The following CALN1 variants were observed in gnomAD, a reference collection of about 807,000 sequenced individuals.
The protein encoded by CALN1 is calcium-binding protein 8.
Under a neutral mutation model 30.6 loss-of-function variants are expected in CALN1, and 17 were observed. The observed-to-expected ratio is 0.56, with a 90% CI of 0.38 to 0.83. The LOEUF (loss-of-function observed/expected upper bound fraction) is 0.83. Among genes scored for constraint, CALN1 ranks in the 40% least tolerant of loss-of-function variants. The pLI is 0.00. For synonymous variants in CALN1, 156 were observed against 131.4 expected (o/e 1.19, Z -1.28); for missense variants, 291 against 354.9 (o/e 0.82, Z 1.45).
intron 4 of CALN1, among the ~76,000 whole-genome samples, chr7:72,068,925 G>T (rs1034893560): frequency 6.6e-6 from 1 of 152,194 alleles, no homozygotes; most frequent in South Asian, 2.1e-4. Flanking sequence ...TTATTATTGT[G>T]ATTATCTTAT....
chr7:72,152,437 G>A (rs1387589902), intron 3 of CALN1, among the ~76,000 whole-genome samples: 1 of 152,114 alleles, frequency 6.6e-6, no homozygotes, highest in Non-Finnish European at 1.5e-5. Flanking sequence ...GAGTTTGCAT[G>A]GTGCGAGAGA....
intron 5 of CALN1, among the ~76,000 whole-genome samples, chr7:71,930,196 C>T (rs937297058): frequency 2.6e-5 from 4 of 152,200 alleles, no homozygotes; most frequent in Admixed American, 6.5e-5. Flanking sequence ...TTTGAATCCA[C>T]AGATGCAGAA....
chr7:72,081,508 C>G (rs13227792), intron 4 of CALN1, among the ~76,000 whole-genome samples: 1 of 150,928 alleles, frequency 6.6e-6, no homozygotes, highest in South Asian at 2.1e-4. Context: ...CTACAGCCTC[C>G]AACTCCTGGG....
intron 3 of CALN1, among the ~76,000 whole-genome samples, chr7:72,187,749 G>A (rs539983542): frequency 1.3e-5 from 2 of 152,240 alleles, no homozygotes; most frequent in East Asian, 3.9e-4. Flanking sequence ...TCGTGTATAC[G>A]TGTGATTCTT....
At chr7:71,803,760 CAGGCAGGAA>C in intron 6 of CALN1, among the ~76,000 whole-genome samples, 1 of 152,088 alleles carries the variant, frequency 6.6e-6, no homozygotes, top group Non-Finnish European at 1.5e-5. Context: ...TGCCTGGGTG[CAGGCAGGAA>C]CCACTGCACC....
intron 5 of CALN1, among the ~76,000 whole-genome samples, chr7:71,854,268 G>A (rs1584376850): frequency 6.6e-6 from 1 of 152,106 alleles, no homozygotes; most frequent in Non-Finnish European, 1.5e-5. Context: ...AACCTGGGAG[G>A]CAGAGGTTGC....
At chr7:71,913,368 C>A (rs192360877) in intron 5 of CALN1, among the ~76,000 whole-genome samples, 88 of 152,138 alleles carry the variant, frequency 5.8e-4, no homozygotes, top group African/African-American at 2.0e-3. Context: ...CCTTTAGTGG[C>A]AAATTCTTCA....
intron 2 of CALN1, among the ~76,000 whole-genome samples, chr7:72,357,351 C>T (rs1010296593): frequency 8.6e-5 from 13 of 151,944 alleles, no homozygotes; most frequent in Admixed American, 3.3e-4. Flanking sequence ...CAGATCAGCT[C>T]CAGCGGAGAG....
chr7:72,131,175 G>A lies in CALN1; in HGVS notation c.245-24881C>T, dbSNP rs570095410. Among the ~76,000 whole-genome samples the A allele has an allele frequency of 2.6e-5, 4 of 152,262 alleles. No homozygotes were observed. In the South Asian group the frequency reaches 8.3e-4, roughly 32 times the overall value. On this transcript the variant is annotated intron_variant, in intron 3 of 6. Transcript: ENST00000395275. Reference sequence around the variant, plus strand: ...CCAGCAGACCATTACAGCACGAGGAGATAAGTACTATAATATCCATAACTG... The same window carrying A: ...CCAGCAGACCATTACAGCACGAGGAAATAAGTACTATAATATCCATAACTG...
chr7:72,326,174 A>G (rs1387626217), intron 2 of CALN1, among the ~76,000 whole-genome samples: 1 of 152,174 alleles, frequency 6.6e-6, no homozygotes, highest in Non-Finnish European at 1.5e-5. Flanking sequence ...AAGTGCTGGG[A>G]TTACAGGCGT....
chr7:71,971,987 AAGAAAGAG>A (rs1248279392), intron 5 of CALN1, among the ~76,000 whole-genome samples: 149 of 139,674 alleles, frequency 1.1e-3, no homozygotes, highest in African/African-American at 3.8e-3. Context: ...GAAAGAAAGA[AAGAAAGAG>A]AAAGAAAGAA....
chr7:71,884,968 A>G lies in CALN1; in HGVS notation c.502-74476T>C, dbSNP rs113214082. Among the ~76,000 whole-genome samples, 1,329 of 152,236 alleles carry G rather than the reference A, an allele frequency of 8.7e-3. 13 individuals are homozygous for G. The highest frequency in any genetic ancestry group is 0.03 in the African/African-American group (1,240 of 41,558). The stretch of plus-strand genomic sequence containing the variant: ...CTAAGGGAAGCCACTGTAAGACTTC[A>G]AAAGAACTTTGGTCTCTGCAATCTT... On this transcript the variant is annotated intron_variant, in intron 5 of 6. Coordinates refer to ENST00000395275, the MANE Select transcript of CALN1 (RefSeq NM_031468.4).
chr7:72,177,380 T>C (rs1297923922), intron 3 of CALN1, among the ~76,000 whole-genome samples: 1 of 152,200 alleles, frequency 6.6e-6, no homozygotes, highest in African/African-American at 2.4e-5. Context: ...TATGTAAGAC[T>C]GATCAGCAGC....
chr7:72,479,552 A>ATTTTTTTTTTTTTTTTTT, the CALN1 span, among the ~76,000 whole-genome samples: 1 of 130,782 alleles, frequency 7.6e-6, no homozygotes, highest in Non-Finnish European at 1.6e-5. Flanking sequence ...TTATAGCACA[A>ATTTTTTTTTTTTTTTTTT]TTTTTTTTTT....
chr7:72,356,294 T>A (rs998267861), intron 2 of CALN1, among the ~76,000 whole-genome samples: 2 of 150,262 alleles, frequency 1.3e-5, no homozygotes, highest in African/African-American at 5.0e-5. Context: ...GAATAACTAT[T>A]GTATTTTAAT....
intron 4 of CALN1, among the ~76,000 whole-genome samples, chr7:72,044,790 T>G (rs190519345): frequency 2.6e-5 from 4 of 151,954 alleles, no homozygotes; most frequent in East Asian, 2.0e-4. Flanking sequence ...TTTTTATTTA[T>G]TTAGTTATTC....
At chr7:72,368,754 A>C (rs1317025722) in intron 2 of CALN1, among the ~76,000 whole-genome samples, 1 of 151,918 alleles carries the variant, frequency 6.6e-6, no homozygotes, top group Non-Finnish European at 1.5e-5. Context: ...AGCCAAAGCC[A>C]AAGTCCTAGT....
chr7:72,468,189 A>T, the CALN1 span, among the ~76,000 whole-genome samples: 4 of 152,220 alleles, frequency 2.6e-5, no homozygotes, highest in Non-Finnish European at 5.9e-5. Context: ...GCCATTGTGA[A>T]TAGTACTGCT....
chr7:72,327,478 G>T (rs746461751), intron 2 of CALN1, among the ~76,000 whole-genome samples: 37 of 152,188 alleles, frequency 2.4e-4, no homozygotes, highest in Admixed American at 2.4e-3. Flanking sequence ...AACAGAGCAA[G>T]ACTCTGTCTC....
Sources: allele counts gnomAD v4.1 joint callset (sites outside exome capture counted in the v4.1 genomes callset), GRCh38; gene constraint gnomAD v4.1.1; transcripts MANE v1.5; gene names NCBI Gene and HGNC (gene_info 2026-07-23, HGNC 2026-07-21).